Variants in MYH11 observed in about 807,000 individuals in gnomAD.
MYH11 encodes myosin heavy chain 11.
In MYH11, 80 loss-of-function variants were observed where a neutral mutation model predicts 246.6. That is an observed-to-expected ratio of 0.32 (90% CI 0.27 to 0.39). The LOEUF (loss-of-function observed/expected upper bound fraction) is 0.39, where lower values mean the gene tolerates loss of function less well. Among genes scored for constraint, MYH11 ranks in the 10% least tolerant of loss-of-function variants. The probability of loss-of-function intolerance (pLI) is 1.00; values close to 1 mark genes in which losing one functional copy is unlikely to be tolerated. For synonymous variants in MYH11, 1,071 were observed against 1,015.5 expected, an observed-to-expected ratio of 1.05 and a Z score of -1.04; for missense variants, 2,158 against 2,546.8, an observed-to-expected ratio of 0.85 and a Z score of 3.29.
chr16:15,792,143 C>T (rs1256566115), intron 4 of MYH11: 3 of 152,166 alleles, frequency 2.0e-5, no homozygotes, highest in Admixed American at 6.5e-5. Flanking sequence ...ACTGCAATCT[C>T]GAACTCCTGG....
At chr16:15,736,965 G>C (rs1188113558) in intron 25 of MYH11, among the ~76,000 whole-genome samples, 1 of 152,164 alleles carries the variant, frequency 6.6e-6, no homozygotes, top group African/African-American at 2.4e-5. Flanking sequence ...GGGACATTTA[G>C]AAGGACTGGC....
At position 15,703,774 on chromosome 16, in the gene MYH11, G is replaced by A. The variant is rs2039307375; in HGVS notation, c.*217C>T. The A allele has an allele frequency of 4.8e-6, 3 of 630,734 alleles. No individual in the cohort carries two copies. The highest frequency in any genetic ancestry group is 3.3e-5 in the South Asian group (2 of 60,970). The allele number at this position is 630,734 out of a possible 1,614,324, so 39.1% of individuals were successfully genotyped here. A position where few individuals can be genotyped will look rare whatever the true frequency, so the allele number is the denominator to read the frequency against. ...CAGCTTATTTTTAAATTCTTGTATA[G>A]ATGAGGTTTTACTACGTTGCCCAGG... On this transcript the variant is annotated 3_prime_UTR_variant, in exon 41 of 41. Coordinates refer to ENST00000300036, the MANE Select transcript of MYH11 (RefSeq NM_002474.3).
rs886051727 is a variant in MYH11, at chr16:15,703,187, G to A, written c.*804C>T. 4 of 201,912 alleles carry A rather than the reference G, an allele frequency of 2.0e-5. No homozygotes were observed. The Admixed American group carries it at 2.4e-4, about 12-fold the overall frequency. 12.5% of individuals were successfully genotyped at this position (201,912 alleles called of 1,614,324 possible). A position where few individuals can be genotyped will look rare whatever the true frequency, so the allele number is the denominator to read the frequency against. On this transcript the variant is annotated 3_prime_UTR_variant, in exon 41 of 41. Transcript: ENST00000300036. ...AAGTGTTTTTAAGCACAGTCAGGGT[G>A]TAAACAGTGCAGCATTCCTGCTCCC...
At chr16:15,718,961 C>T (rs778507944) in intron 36 of MYH11, 12 of 487,598 alleles carry the variant, frequency 2.5e-5, no homozygotes, top group Non-Finnish European at 4.5e-5. Context: ...AACCCCACCT[C>T]TACTAAAAAT....
chr16:15,750,048 G>A lies in MYH11; in HGVS notation c.2058+90C>T. On this transcript the variant is annotated intron_variant, in intron 16 of 40. Coordinates refer to ENST00000300036, the MANE Select transcript of MYH11 (RefSeq NM_002474.3). This position sits in a 1 kb window ranked among gnomAD's most constrained non-coding sequence, Gnocchi z 4.3. ...CATGGAAAATGGGGTCCTCGGGGTA[G>A]GTGGGGGCAGAGGGCGCCCTGGGGA... 6.7e-7 allele frequency: 1 copy of A among 1,503,552 alleles called. No homozygotes were observed. The highest frequency in any genetic ancestry group is 9.2e-7 in the Non-Finnish European group (1 of 1,090,062). The allele number at this position is 1,503,552 out of a possible 1,614,324, so 93.1% of individuals were successfully genotyped here. A position where few individuals can be genotyped will look rare whatever the true frequency, so the allele number is the denominator to read the frequency against.
chr16:15,708,089 G>A (rs1483751223), intron 40 of MYH11, among the ~76,000 whole-genome samples: 1 of 151,990 alleles, frequency 6.6e-6, no homozygotes, highest in Non-Finnish European at 1.5e-5. Context: ...GTACATGCCC[G>A]TGAAGCCTCC....
At chr16:15,788,596 G>T (rs889545798) in intron 4 of MYH11, among the ~76,000 whole-genome samples, 1 of 152,094 alleles carries the variant, frequency 6.6e-6, no homozygotes, top group Non-Finnish European at 1.5e-5. Flanking sequence ...AATCCTACAG[G>T]TCCCACTGTC....
intron 40 of MYH11, 39 bp from the exon 41 acceptor site, chr16:15,704,162 T>A: frequency 6.2e-7 from 1 of 1,612,076 alleles, no homozygotes; most frequent in Non-Finnish European, 8.5e-7. Flanking sequence ...AGCAAAGAAA[T>A]CTTCATGGTT....
At chr16:15,719,337 TGCCAGGGAAAG>T (rs773422355) in intron 35 of MYH11, 29 bp from the exon 36 acceptor site, 5 of 1,605,634 alleles carry the variant, frequency 3.1e-6, no homozygotes, top group Non-Finnish European at 4.2e-6. Flanking sequence ...GGCTGTTGTC[TGCCAGGGAAAG>T]GCCAAGCCCC....
chr16:15,823,935 G>C (rs2043486973), intron 2 of MYH11, among the ~76,000 whole-genome samples: 1 of 152,040 alleles, frequency 6.6e-6, no homozygotes, highest in Non-Finnish European at 1.5e-5. Flanking sequence ...CCAAACTGTG[G>C]AGTTTTGAAG....
At chr16:15,829,851 A>C (rs2151372658) in intron 2 of MYH11, among the ~76,000 whole-genome samples, 1 of 152,224 alleles carries the variant, frequency 6.6e-6, no homozygotes, top group Non-Finnish European at 1.5e-5. Flanking sequence ...ACACACAGGG[A>C]TGGCCGGGCG....
rs2040059297 is a variant in MYH11 at position 15,715,212 on chromosome 16, C to T, written c.5565G>A (p.Leu1855=). The T allele has an allele frequency of 6.2e-6, 10 of 1,614,110 alleles. No homozygotes were observed. The highest frequency in any genetic ancestry group is 7.6e-6 in the Non-Finnish European group (9 of 1,180,030). ...TCTTGCGCTCGTCCTCCACCTGCAG[C>T]AAGATTTCCTTCAGCTTCTTGTCTT... ...KQKDKKLKEI[L]LQVEDERKMA... Residue 1855 remains leucine (L), a synonymous_variant, in exon 39 of 41, where the codon TTG becomes TTA. Coordinates refer to ENST00000300036, the MANE Select transcript of MYH11 (RefSeq NM_002474.3).
chr16:15,842,788 A>G (rs74388984), intron 1 of MYH11, among the ~76,000 whole-genome samples: 3 of 149,042 alleles, frequency 2.0e-5, no homozygotes, highest in Admixed American at 6.6e-5. Flanking sequence ...AAAAAAAAAA[A>G]AAGGGCAGAG....
intron 9 of MYH11, among the ~76,000 whole-genome samples, chr16:15,771,353 G>A (rs1243906270): frequency 1.3e-5 from 2 of 151,548 alleles, no homozygotes; most frequent in African/African-American, 2.4e-5. Flanking sequence ...GTTTAAGCCA[G>A]CTCGGGTTAC....
Position 15,771,581 on chromosome 16 carries a change from C to T in MYH11, c.1021G>A (p.Glu341Lys). ...GTGTGAGGCTTACATAGCTGCTCCT[C>T]CTCGCTGAAACCCATGATTGCCATG... is the stretch of plus-strand genomic sequence containing the variant. ...EAMAIMGFSE[E>K]EQLSILKVVS... is the part of the protein sequence containing the mutation. Residue 341 changes from glutamate (E) to lysine (K), a missense_variant, in exon 9 of 41, where the codon GAG becomes AAG. Physicochemically the swap from Glu to Lys is moderately conservative, Grantham distance 56. Around this residue, in one of 11 missense-constraint regions of MYH11, gnomAD observed 75 missense variants for 70.0 expected, o/e 1.07. Transcript: ENST00000300036. The T allele has an allele frequency of 6.2e-7, 1 of 1,613,960 alleles. No individual in the cohort carries two copies.
chr16:15,737,863 G>C lies in MYH11; in HGVS notation c.3122-243C>G, dbSNP rs141407848. 0.015 allele frequency among the ~76,000 whole-genome samples: 2,267 copies of C among 152,212 alleles called. 54 individuals carry two copies. Among genetic ancestry groups the C allele is most frequent in the African/African-American group, 0.052 (2,150 of 41,546 alleles). On this transcript the variant is annotated intron_variant, in intron 24 of 40. Coordinates refer to ENST00000300036, the MANE Select transcript of MYH11 (RefSeq NM_002474.3). Reference sequence around the variant, plus strand: ...GCTGGAGTGCAGTGGCGCAATCTCAGCTCACTGCAACCTCCGCCTCCCGGG... The same window carrying C: ...GCTGGAGTGCAGTGGCGCAATCTCACCTCACTGCAACCTCCGCCTCCCGGG...
At chr16:15,823,539 C>T in intron 2 of MYH11, 128 bp from the exon 3 acceptor site, 1 of 1,168,842 alleles carries the variant, frequency 8.6e-7, no homozygotes, top group Non-Finnish European at 1.3e-6. Flanking sequence ...AACCCTGGGC[C>T]TCACTGATAT....
In MYH11 at chr16:15,838,208, A is replaced by G. The variant is rs1042574548; in HGVS notation, c.45T>C (p.Phe15=). The part of the protein sequence containing the change: ...GQLSDDEKFL[F]VDKNFINSPV... ...GGCTGTTGATGAAGTTTTTGTCCAC[A>G]AAGAGGAACTTCTCATCGTCACTGA... Residue 15 remains phenylalanine (F), a synonymous_variant, in exon 2 of 41, where the codon TTT becomes TTC. Coordinates refer to ENST00000300036, the MANE Select transcript of MYH11 (RefSeq NM_002474.3). The G allele has an allele frequency of 4.1e-5, 66 of 1,613,974 alleles. No homozygotes were observed. The highest frequency in any genetic ancestry group is 5.3e-5 in the African/African-American group (4 of 74,902).
At chr16:15,799,655 G>A (rs1044682014) in intron 3 of MYH11, among the ~76,000 whole-genome samples, 2 of 152,210 alleles carry the variant, frequency 1.3e-5, no homozygotes, top group Non-Finnish European at 1.5e-5. Context: ...CCTTCCCAAA[G>A]AGAGATCTGA....
Sources: gnomAD v4.1 joint callset for allele counts (sites outside exome capture counted in the v4.1 genomes callset) on GRCh38, gnomAD v4.1.1 for gene constraint, gnomAD v4.1.1 regional missense constraint, Gnocchi (gnomAD v3.1) non-coding constraint, MANE v1.5 for transcripts, NCBI Gene and HGNC (gene_info 2026-07-23, HGNC 2026-07-21) for gene names.